The following GPC5 variants were observed in gnomAD, a reference collection of about 807,000 sequenced individuals.
GPC5 encodes the protein glypican-5.
Under a neutral mutation model 53.9 loss-of-function variants are expected in GPC5, and 47 were observed. The ratio of observed to expected loss-of-function variants is 0.87; its 90% CI spans 0.69 to 1.11. The LOEUF (loss-of-function observed/expected upper bound fraction) is 1.11. Among genes scored for constraint, GPC5 ranks in the 50% most tolerant of loss-of-function variants. The probability of loss-of-function intolerance (pLI) is 0.00; values close to 1 mark genes in which losing one functional copy is unlikely to be tolerated. For missense variants in GPC5, 748 were observed against 713.1 expected (o/e 1.05, Z -0.56); for synonymous variants, 286 against 263.3 (o/e 1.09, Z -0.84).
At chr13:92,048,821 G>A (rs1218879305) in intron 6 of GPC5, among the ~76,000 whole-genome samples, 1 of 152,074 alleles carries the variant, frequency 6.6e-6, no homozygotes, top group Non-Finnish European at 1.5e-5. Context: ...GTTGACCAAT[G>A]GCTTGTTTAT....
Position 91,688,118 on chromosome 13 carries a change from A to G in GPC5, c.326-5069A>G, listed in dbSNP as rs200464583. Among the ~76,000 whole-genome samples the G allele has an allele frequency of 1.2e-4, 18 of 152,240 alleles. No homozygotes were observed. The East Asian group carries it at 2.3e-3, about 20-fold the overall frequency. ...CACTCAACTCCTTGGTAAACATGGT[A>G]TAAGAACAAAGTGATAGTTTTACAA... On this transcript the variant is annotated intron_variant, in intron 2 of 7. Transcript: ENST00000377067.
intron 7 of GPC5, among the ~76,000 whole-genome samples, chr13:92,525,479 T>TGTGTGTGTGTGTGA (rs777799898): frequency 8.3e-5 from 12 of 144,744 alleles, no homozygotes; most frequent in African/African-American, 2.8e-4. Context: ...TGTGTGTGTG[T>TGTGTGTGTGTGTGA]GAAACAACCA....
rs895359730 is a variant in GPC5, at chr13:92,264,886, G to C, written c.1561+119897G>C. 6.1e-3 allele frequency among the ~76,000 whole-genome samples: 385 copies of C among 63,434 alleles called. 4 individuals carry two copies. The highest frequency in any genetic ancestry group is 0.034 in the African/African-American group (367 of 10,904). 41.6% of individuals were successfully genotyped at this position (63,434 alleles called of 152,430 possible). ...TCTCTCTCTCTCTCTCTCTGTGTGT[G>C]TGTGTGTGTGTGTGTGTGTGTGTGT... On this transcript the variant is annotated intron_variant, in intron 7 of 7. Coordinates refer to ENST00000377067, the MANE Select transcript of GPC5 (RefSeq NM_004466.6).
chr13:92,740,960 G>GTATATATATATATA lies in GPC5; in HGVS notation c.1562-125311_1562-125310insATATATATATATAT, dbSNP rs1555308306. 6.8e-5 allele frequency among the ~76,000 whole-genome samples: 8 copies of GTATATATATATATA among 117,756 alleles called. 1 individual carries two copies. The highest frequency in any genetic ancestry group is 2.6e-4 in the African/African-American group (8 of 30,454). 77.3% of individuals were successfully genotyped at this position (117,756 alleles called of 152,430 possible). A position where few individuals can be genotyped will look rare whatever the true frequency, so the allele number is the denominator to read the frequency against. On this transcript the variant is annotated intron_variant, in intron 7 of 7. Transcript: ENST00000377067. ...TGTATGTGTGTATATATATGTATGT[G>GTATATATATATATA]TATATATATATCCTGCTGTAGCATA...
intron 7 of GPC5, among the ~76,000 whole-genome samples, chr13:92,858,109 G>A (rs1372606415): frequency 1.3e-5 from 2 of 152,130 alleles, no homozygotes; most frequent in East Asian, 3.9e-4. Context: ...AATGTGGTAT[G>A]TAGACACTGA....
intron 5 of GPC5, among the ~76,000 whole-genome samples, chr13:91,888,896 G>A (rs1178757041): frequency 2.6e-5 from 4 of 152,076 alleles, no homozygotes; most frequent in Admixed American, 2.6e-4. Context: ...CATAGGGAGG[G>A]AAGGAAAGAA....
intron 7 of GPC5, among the ~76,000 whole-genome samples, chr13:92,748,311 T>TTTTTTATTATTATTATTA (rs535585731): frequency 6.2e-4 from 88 of 142,348 alleles, no homozygotes; most frequent in African/African-American, 1.9e-3. Flanking sequence ...TGCATTTTAT[T>TTTTTTATTATTATTATTA]TTATTATTAT....
chr13:91,515,357 C>T (rs960004530), intron 2 of GPC5, among the ~76,000 whole-genome samples: 12 of 152,050 alleles, frequency 7.9e-5, no homozygotes, highest in Non-Finnish European at 1.2e-4. Flanking sequence ...ATGGAGCATT[C>T]TTTATGGCAG....
chr13:91,613,640 A>G (rs1451271377), intron 2 of GPC5, among the ~76,000 whole-genome samples: 2 of 152,236 alleles, frequency 1.3e-5, no homozygotes, highest in Non-Finnish European at 1.5e-5. Flanking sequence ...ATTTCACAGA[A>G]AAAACTACAA....
intron 5 of GPC5, among the ~76,000 whole-genome samples, chr13:91,906,610 C>T (rs1375203611): frequency 1.3e-5 from 2 of 151,964 alleles, no homozygotes; most frequent in Non-Finnish European, 2.9e-5. Flanking sequence ...AAGTAATGAG[C>T]ATTATGAGGA....
chr13:91,721,755 G>A (rs2036479607), intron 3 of GPC5, among the ~76,000 whole-genome samples: 2 of 151,992 alleles, frequency 1.3e-5, no homozygotes, highest in South Asian at 4.1e-4. Context: ...ATCTTCCCAT[G>A]GCTGTTTGTT....
chr13:92,720,874 A>G (rs887293163), intron 7 of GPC5, among the ~76,000 whole-genome samples: 8 of 152,118 alleles, frequency 5.3e-5, no homozygotes, highest in African/African-American at 1.9e-4. Context: ...GGGACCATTC[A>G]AACTTGTTAA....
At chr13:92,325,639 G>C (rs140678192) in intron 7 of GPC5, among the ~76,000 whole-genome samples, 2,185 of 152,158 alleles carry the variant, frequency 0.014, 56 homozygotes, top group Non-Finnish European at 0.016. Flanking sequence ...ACAAACTGTA[G>C]TAGAGCCACA....
chr13:92,361,043 C>T (rs2043562005), intron 7 of GPC5, among the ~76,000 whole-genome samples: 1 of 151,800 alleles, frequency 6.6e-6, no homozygotes, highest in East Asian at 1.9e-4. Flanking sequence ...GAAATCAGAA[C>T]TATTCTCTTA....
intron 7 of GPC5, among the ~76,000 whole-genome samples, chr13:92,438,749 G>C (rs1877427992): frequency 6.6e-6 from 1 of 151,950 alleles, no homozygotes; most frequent in African/African-American, 2.4e-5. Context: ...AGGGAATTTT[G>C]GAGGCGGATT....
At chr13:92,053,757 G>A (rs1285628765) in intron 6 of GPC5, among the ~76,000 whole-genome samples, 1 of 151,922 alleles carries the variant, frequency 6.6e-6, no homozygotes, top group Non-Finnish European at 1.5e-5. Flanking sequence ...ATGGCCGGGC[G>A]CGGTGGTTTA....
intron 2 of GPC5, among the ~76,000 whole-genome samples, chr13:91,525,791 A>G (rs1347344037): frequency 6.6e-6 from 1 of 152,192 alleles, no homozygotes; most frequent in Non-Finnish European, 1.5e-5. Context: ...ATAATGTCGC[A>G]CTTAGCAGTT....
rs115590549 is a variant in GPC5 at position 91,948,961 on chromosome 13, G to A, written c.1401+40904G>A. Among the ~76,000 whole-genome samples, 968 of 152,182 alleles carry A rather than the reference G, an allele frequency of 6.4e-3. 9 individuals carry two copies. The highest frequency in any genetic ancestry group is 0.022 in the African/African-American group (913 of 41,530). On this transcript the variant is annotated intron_variant, in intron 6 of 7. Coordinates refer to ENST00000377067, the MANE Select transcript of GPC5 (RefSeq NM_004466.6). ...TATGTCAGTGGTACAGCTTACTAAG[G>A]TGTCTGAGAGGGAGATATTAAGAAA...
intron 6 of GPC5, among the ~76,000 whole-genome samples, chr13:92,057,236 G>T (rs185725140): frequency 6.6e-6 from 1 of 152,174 alleles, no homozygotes; most frequent in African/African-American, 2.4e-5. Flanking sequence ...AAGAGAGGAA[G>T]CTCAAGGTAG....
Sources: gnomAD v4.1 joint callset for allele counts (sites outside exome capture counted in the v4.1 genomes callset) on GRCh38, gnomAD v4.1.1 for gene constraint, MANE v1.5 for transcripts, NCBI Gene and HGNC (gene_info 2026-07-23, HGNC 2026-07-21) for gene names.